The following SNAP29 variants were observed in gnomAD, a reference collection of about 807,000 sequenced individuals.
SNAP29 encodes the protein synaptosomal-associated protein 29.
SNAP29 carries 13 observed loss-of-function variants against 27.9 expected under a neutral mutation model. The observed-to-expected ratio is 0.47, with a 90% confidence interval of 0.30 to 0.74. The LOEUF (loss-of-function observed/expected upper bound fraction) is 0.74, where lower values mean the gene tolerates loss of function less well. Among genes scored for constraint, SNAP29 ranks in the 30% least tolerant of loss-of-function variants. The pLI is 0.06. For synonymous variants in SNAP29, 119 were observed against 127.1 expected (o/e 0.94, Z 0.43); for missense variants, 368 against 336.5 (o/e 1.09, Z -0.73).
At chr22:20,864,547 G>A (rs182211358) in intron 1 of SNAP29, among the ~76,000 whole-genome samples, 97 of 152,298 alleles carry the variant, frequency 6.4e-4, no homozygotes, top group Admixed American at 9.8e-4. Flanking sequence ...ATGAGGGGCC[G>A]TACAGACCAA....
intron 3 of SNAP29, among the ~76,000 whole-genome samples, chr22:20,883,228 T>C (rs1402318381): frequency 6.6e-6 from 1 of 152,170 alleles, no homozygotes; most frequent in East Asian, 1.9e-4. Flanking sequence ...GACCCTTAAT[T>C]TGAGGGTGTT....
intron 1 of SNAP29, among the ~76,000 whole-genome samples, chr22:20,864,323 C>T (rs1005287151): frequency 4.6e-5 from 7 of 152,146 alleles, no homozygotes; most frequent in Admixed American, 6.5e-5. Context: ...TCCTCCACAC[C>T]GTCTCGTGCA....
At chr22:20,867,908 A>G (rs1458580569) in intron 1 of SNAP29, among the ~76,000 whole-genome samples, 4 of 152,168 alleles carry the variant, frequency 2.6e-5, no homozygotes, top group African/African-American at 9.7e-5. Context: ...GCTCACCATC[A>G]GGGAAGCTGA....
rs886057272 is a variant in SNAP29 at position 20,889,947 on chromosome 22, G to GT, written c.*2121dup. On this transcript the variant is annotated 3_prime_UTR_variant, in exon 5 of 5. Transcript: ENST00000215730. Reference sequence around the variant, plus strand: ...GTCACCCGCCCTTCTCTGTTTTTTGGTTTTTTTTTTCTTAACCCCAGGTAT... The same window carrying GT: ...GTCACCCGCCCTTCTCTGTTTTTTGGTTTTTTTTTTTCTTAACCCCAGGTAT... 5,471 of 229,506 alleles carry GT rather than the reference G, an allele frequency of 0.024. 1 individual carries two copies. The highest frequency in any genetic ancestry group is 0.037 in the East Asian group (457 of 12,272). The allele number at this position is 229,506 out of a possible 1,614,324, so 14.2% of individuals were successfully genotyped here. A position where few individuals can be genotyped will look rare whatever the true frequency, so the allele number is the denominator to read the frequency against.
intron 2 of SNAP29, among the ~76,000 whole-genome samples, chr22:20,880,603 G>T (rs1046150656): frequency 6.6e-6 from 1 of 152,122 alleles, no homozygotes; most frequent in Non-Finnish European, 1.5e-5. Context: ...CTAAAGTACC[G>T]GTTTGGTTGT....
chr22:20,868,357 A>G (rs1928509673), intron 1 of SNAP29, among the ~76,000 whole-genome samples: 1 of 152,242 alleles, frequency 6.6e-6, no homozygotes, highest in South Asian at 2.1e-4. Context: ...TGTAAAATTC[A>G]GCAGTTCTAA....
In SNAP29 at chr22:20,890,326, A is replaced by G; in HGVS notation, c.*2490A>G. 2.5e-6 allele frequency: 1 copy of G among 398,638 alleles called. No homozygotes were observed. Among genetic ancestry groups the G allele is most frequent in the Non-Finnish European group, 4.4e-6 (1 of 226,066 alleles). 24.7% of individuals were successfully genotyped at this position (398,638 alleles called of 1,614,324 possible). ...TCATGGAGACAAGCAAAATGGTGCC[A>G]GGGCTGGGCTGACTGTGGGATGGGA... On this transcript the variant is annotated 3_prime_UTR_variant, in exon 5 of 5. Transcript: ENST00000215730.
chr22:20,879,288 C>A (rs1290750954), intron 2 of SNAP29, among the ~76,000 whole-genome samples: 3 of 143,652 alleles, frequency 2.1e-5, no homozygotes, highest in Non-Finnish European at 3.0e-5. Flanking sequence ...GCCTGGGCAA[C>A]AGAGTGAGAC....
intron 1 of SNAP29, among the ~76,000 whole-genome samples, chr22:20,867,681 A>T (rs1434058753): frequency 2.0e-5 from 3 of 152,212 alleles, no homozygotes; most frequent in Admixed American, 6.5e-5. Context: ...CACAGGCAAG[A>T]TAAGCCACCC....
rs1485648682 is a variant in SNAP29 at position 20,887,795 on chromosome 22, G to A, written c.736G>A (p.Val246Ile). The A allele has an allele frequency of 6.2e-7, 1 of 1,614,208 alleles. No individual in the cohort carries two copies. The highest frequency in any genetic ancestry group is 2.2e-5 in the East Asian group (1 of 44,888). ...GACAACCAAAGTGGACAAGTTAGAT[G>A]TCAACATAAAAAGCACAGAAAGAAA... is the stretch of plus-strand genomic sequence containing the variant. ...RLTTKVDKLD[V>I]NIKSTERKVR... The change falls in exon 5 of 5, where the codon GTC becomes ATC. Residue 246 changes from valine to isoleucine, a missense_variant. Transcript: ENST00000215730.
At position 20,874,317 on chromosome 22, in the gene SNAP29, G is replaced by GACACAC. The variant is rs368789277; in HGVS notation, c.434+3801_434+3806dup. Among the ~76,000 whole-genome samples the GACACAC allele has an allele frequency of 8.4e-3, 994 of 118,160 alleles. 7 individuals are homozygous for GACACAC. Among genetic ancestry groups the GACACAC allele is most frequent in the Non-Finnish European group, 0.012 (674 of 55,458 alleles). 77.5% of individuals were successfully genotyped at this position (118,160 alleles called of 152,430 possible). A position where few individuals can be genotyped will look rare whatever the true frequency, so the allele number is the denominator to read the frequency against. ...ACTCTGACACACACAGACACACACA[G>GACACAC]ACACACACACACACACACACACGAA... On this transcript the variant is annotated intron_variant, in intron 2 of 4. Transcript: ENST00000215730.
chr22:20,861,333 C>T (rs552221166), intron 1 of SNAP29, among the ~76,000 whole-genome samples: 7 of 152,048 alleles, frequency 4.6e-5, no homozygotes, highest in African/African-American at 1.2e-4. Context: ...AGGATGGTCT[C>T]GATCTCTTGA....
chr22:20,862,487 CAG>C (rs758119440), intron 1 of SNAP29, among the ~76,000 whole-genome samples: 11 of 152,096 alleles, frequency 7.2e-5, no homozygotes, highest in East Asian at 1.9e-4. Flanking sequence ...TGTTAGAGGA[CAG>C]GGGATGGAGG....
intron 2 of SNAP29, among the ~76,000 whole-genome samples, chr22:20,876,669 G>A (rs1271402079): frequency 3.3e-5 from 5 of 149,306 alleles, no homozygotes; most frequent in South Asian, 2.1e-4. Flanking sequence ...CCACGTTCAC[G>A]CCATTCTCCT....
chr22:20,890,912 A>G lies in SNAP29; in HGVS notation c.*3076A>G, dbSNP rs1339411689. 6.6e-6 allele frequency: 1 copy of G among 151,772 alleles called. No homozygotes were observed. The highest frequency in any genetic ancestry group is 1.5e-5 in the Non-Finnish European group (1 of 68,022). The allele number at this position is 151,772 out of a possible 1,614,324, so 9.4% of individuals were successfully genotyped here. A position where few individuals can be genotyped will look rare whatever the true frequency, so the allele number is the denominator to read the frequency against. ...AACACAGTGAAACCCCGTCTCTACTAAAAATATAAAAAATTAGTCGGGCAT... is the reference window on the plus strand; with the variant it reads ...AACACAGTGAAACCCCGTCTCTACTGAAAATATAAAAAATTAGTCGGGCAT... On this transcript the variant is annotated 3_prime_UTR_variant, in exon 5 of 5. Transcript: ENST00000215730.
chr22:20,864,197 G>A (rs1928403131), intron 1 of SNAP29, among the ~76,000 whole-genome samples: 1 of 152,086 alleles, frequency 6.6e-6, no homozygotes, highest in Non-Finnish European at 1.5e-5. Context: ...TCGGTTCAGG[G>A]GAGTCCAGCA....
chr22:20,867,192 C>T (rs1928480374), intron 1 of SNAP29, among the ~76,000 whole-genome samples: 2 of 152,146 alleles, frequency 1.3e-5, no homozygotes, highest in South Asian at 4.1e-4. Context: ...GCTTAGTAAT[C>T]ACTGAAACAA....
rs558925749 is a variant in SNAP29, at chr22:20,884,464, G to T, written c.619+895G>T. On this transcript the variant is annotated intron_variant, in intron 4 of 4. Transcript: ENST00000215730. ...TTCTGCCCTCATCACCTGCAGGCTC[G>T]TGTGGGATTTCTGATGTGAGTTCTT... Among the ~76,000 whole-genome samples, 4 of 152,180 alleles carry T rather than the reference G, an allele frequency of 2.6e-5. No individual in the cohort carries two copies. In the South Asian group the frequency reaches 6.2e-4, roughly 24 times the overall value.
At chr22:20,865,809 T>C (rs1207183327) in intron 1 of SNAP29, among the ~76,000 whole-genome samples, 1 of 152,248 alleles carries the variant, frequency 6.6e-6, no homozygotes, top group African/African-American at 2.4e-5. Context: ...TGGAGTCATG[T>C]GGACAACACT....
Sources: gnomAD v4.1 joint callset for allele counts (sites outside exome capture counted in the v4.1 genomes callset) on GRCh38, gnomAD v4.1.1 for gene constraint, MANE v1.5 for transcripts, NCBI Gene and HGNC (gene_info 2026-07-23, HGNC 2026-07-21) for gene names.